The following STAC variants were observed in gnomAD, a reference collection of about 807,000 sequenced individuals.
STAC encodes the protein SH3 and cysteine rich domain.
STAC carries 43 observed loss-of-function variants against 48.8 expected under a neutral mutation model. The observed-to-expected ratio is 0.88, with a 90% CI of 0.69 to 1.14. The LOEUF is 1.14. STAC is among the 50% of genes most tolerant of loss of function. The probability of loss-of-function intolerance (pLI) is 0.00; values close to 1 mark genes in which losing one functional copy is unlikely to be tolerated. For missense variants in STAC, 497 were observed against 504.0 expected, an observed-to-expected ratio of 0.99 and a Z score of 0.13; for synonymous variants, 193 against 179.5, an observed-to-expected ratio of 1.07 and a Z score of -0.60.
intron 8 of STAC, among the ~76,000 whole-genome samples, chr3:36,528,395 C>A (rs559951167): frequency 1.3e-5 from 2 of 150,712 alleles, no homozygotes; most frequent in South Asian, 2.1e-4. Flanking sequence ...CTTGAACCAG[C>A]GAGTCAGAGG....
chr3:36,526,945 A>C (rs916411543), intron 8 of STAC, among the ~76,000 whole-genome samples: 1 of 152,162 alleles, frequency 6.6e-6, no homozygotes, highest in East Asian at 1.9e-4. Context: ...TAGGAGGAGG[A>C]GGCGGCACCA....
In STAC at chr3:36,425,803, G is replaced by C. The variant is rs184228356; in HGVS notation, c.112-17561G>C. Reference sequence around the variant, plus strand: ...CACTTTGGGAGGCCAACGCAGGGGGGATGGCTTGAGCTCAGGAGTTTGAAA... The same window carrying C: ...CACTTTGGGAGGCCAACGCAGGGGGCATGGCTTGAGCTCAGGAGTTTGAAA... On this transcript the variant is annotated intron_variant, in intron 1 of 10. Coordinates refer to ENST00000273183, the MANE Select transcript of STAC (RefSeq NM_003149.3). Among the ~76,000 whole-genome samples, 43 of 152,324 alleles carry C rather than the reference G, an allele frequency of 2.8e-4. No homozygotes were observed. The East Asian group carries it at 7.7e-3, about 27-fold the overall frequency.
intron 2 of STAC, among the ~76,000 whole-genome samples, chr3:36,460,967 A>G (rs1375821164): frequency 6.6e-6 from 1 of 152,222 alleles, no homozygotes; most frequent in East Asian, 1.9e-4. Flanking sequence ...TTAATATAAG[A>G]AAATATGCTC....
chr3:36,484,952 C>A (rs775060513), intron 3 of STAC, 25 bp from the exon 4 acceptor site: 46 of 1,577,124 alleles, frequency 2.9e-5, no homozygotes, highest in Middle Eastern at 3.4e-4. Flanking sequence ...ACATTAACCC[C>A]TTGCCTTCCT....
intron 8 of STAC, among the ~76,000 whole-genome samples, chr3:36,517,727 T>C (rs760896347): frequency 5.9e-5 from 9 of 152,130 alleles, no homozygotes; most frequent in Admixed American, 1.3e-4. Flanking sequence ...TAATCAGCAC[T>C]GTTGTCATTA....
intron 10 of STAC, among the ~76,000 whole-genome samples, chr3:36,535,015 A>G (rs935410307): frequency 6.6e-6 from 1 of 152,092 alleles, no homozygotes; most frequent in Non-Finnish European, 1.5e-5. Context: ...AAATACCATA[A>G]AACATTTCTT....
intron 2 of STAC, among the ~76,000 whole-genome samples, chr3:36,455,723 G>A (rs902353169): frequency 1.3e-5 from 2 of 151,972 alleles, no homozygotes; most frequent in Admixed American, 6.6e-5. Context: ...AAATAGGGCC[G>A]TCCTTTGTAA....
intron 1 of STAC, 148 bp downstream of exon 1, chr3:36,380,902 A>ACCCGCCGAGACTTGAACGTCAGGTAAGT: frequency 1.7e-6 from 1 of 593,328 alleles, no homozygotes. Flanking sequence ...GTCCGGTAGG[A>ACCCGCCGAGACTTGAACGTCAGGTAAGT]CCCGCTGCTC....
chr3:36,464,969 G>C (rs1697125044), intron 2 of STAC, among the ~76,000 whole-genome samples: 1 of 151,884 alleles, frequency 6.6e-6, no homozygotes, highest in African/African-American at 2.4e-5. Context: ...CTTTTCCTCA[G>C]GGTAAATAGC....
intron 1 of STAC, among the ~76,000 whole-genome samples, chr3:36,433,475 AG>A (rs1700755389): frequency 6.6e-6 from 1 of 152,220 alleles, no homozygotes; most frequent in Non-Finnish European, 1.5e-5. Flanking sequence ...AAGATTTGAA[AG>A]AATGCCTCTG....
chr3:36,542,025 G>A (rs4308224), intron 10 of STAC, among the ~76,000 whole-genome samples: 107,136 of 151,178 alleles, frequency 0.71, 38,269 homozygotes, highest in African/African-American at 0.78. Context: ...ATGGGTGGCA[G>A]GAGAAAAAAA....
At chr3:36,488,668 T>G (rs1697881526) in intron 5 of STAC, among the ~76,000 whole-genome samples, 1 of 152,194 alleles carries the variant, frequency 6.6e-6, no homozygotes, top group Admixed American at 6.5e-5. Flanking sequence ...CACGAGTGAT[T>G]AGGTCCTATA....
At chr3:36,461,837 G>T (rs952397519) in intron 2 of STAC, among the ~76,000 whole-genome samples, 6 of 152,134 alleles carry the variant, frequency 3.9e-5, no homozygotes, top group Admixed American at 1.3e-4. Context: ...AGAGAATAAA[G>T]AATACAGAGT....
intron 5 of STAC, among the ~76,000 whole-genome samples, chr3:36,486,640 C>G (rs1201984213): frequency 1.3e-5 from 2 of 152,218 alleles, no homozygotes; most frequent in Non-Finnish European, 2.9e-5. Flanking sequence ...CATTCCAGTT[C>G]AAAGACACAG....
At chr3:36,493,398 G>C (rs1698047382) in intron 6 of STAC, among the ~76,000 whole-genome samples, 169 bp downstream of exon 6, 1 of 152,070 alleles carries the variant, frequency 6.6e-6, no homozygotes, top group Non-Finnish European at 1.5e-5. Context: ...GTGGATTTCA[G>C]TGATTTGCTC....
At chr3:36,544,403 CAA>C (rs1270693796) in intron 10 of STAC, among the ~76,000 whole-genome samples, 1 of 152,178 alleles carries the variant, frequency 6.6e-6, no homozygotes, top group African/African-American at 2.4e-5. Context: ...CTCCTGACCC[CAA>C]GTGATCCACC....
intron 1 of STAC, among the ~76,000 whole-genome samples, chr3:36,425,962 G>A (rs1289857817): frequency 6.6e-6 from 1 of 152,164 alleles, no homozygotes; most frequent in Non-Finnish European, 1.5e-5. Flanking sequence ...GCCCGGTGGG[G>A]CAGAGGTTGC....
At chr3:36,520,283 G>A (rs966809028) in intron 8 of STAC, among the ~76,000 whole-genome samples, 13 of 152,150 alleles carry the variant, frequency 8.5e-5, no homozygotes, top group African/African-American at 3.1e-4. Flanking sequence ...CCTAGACCTA[G>A]AGAGTCAAAT....
chr3:36,435,484 A>G (rs1010225424), intron 1 of STAC, among the ~76,000 whole-genome samples: 1 of 152,040 alleles, frequency 6.6e-6, no homozygotes, highest in African/African-American at 2.4e-5. Context: ...GATTTAATAC[A>G]TGCTGGAGTA....
Sources: allele counts gnomAD v4.1 joint callset (sites outside exome capture counted in the v4.1 genomes callset), GRCh38; gene constraint gnomAD v4.1.1; transcripts MANE v1.5; gene names NCBI Gene and HGNC (gene_info 2026-07-23, HGNC 2026-07-21).